Variants in PAPSS1 observed in about 807,000 individuals in gnomAD.
The protein encoded by PAPSS1 is 3'-phosphoadenosine 5'-phosphosulfate synthase 1, also known as bifunctional 3'-phosphoadenosine 5'-phosphosulfate synthase 1.
In PAPSS1, 50 loss-of-function variants were observed where a neutral mutation model predicts 72.0. The ratio of observed to expected loss-of-function variants is 0.69; its 90% CI spans 0.55 to 0.88. PAPSS1 has a LOEUF of 0.88. Ranked by LOEUF, PAPSS1 falls within the 40% of genes least tolerant of loss-of-function variation. PAPSS1 has a pLI of 0.00. For missense variants in PAPSS1, 657 were observed against 782.2 expected (o/e 0.84, Z 1.91); for synonymous variants, 261 against 263.6 (o/e 0.99, Z 0.09).
chr4:107,695,299 T>C (rs775555970), intron 2 of PAPSS1, among the ~76,000 whole-genome samples: 4 of 152,180 alleles, frequency 2.6e-5, no homozygotes, highest in African/African-American at 4.8e-5. Flanking sequence ...TGCTTGTCTA[T>C]TGTTGGTGTA....
intron 3 of PAPSS1, among the ~76,000 whole-genome samples, chr4:107,687,479 C>G (rs1352787200): frequency 6.6e-6 from 1 of 152,186 alleles, no homozygotes; most frequent in Non-Finnish European, 1.5e-5. Flanking sequence ...CAAAGCCCAG[C>G]CTGAATGCTG....
At chr4:107,616,403 G>A (rs1221786377) in intron 11 of PAPSS1, among the ~76,000 whole-genome samples, 1 of 152,108 alleles carries the variant, frequency 6.6e-6, no homozygotes, top group Non-Finnish European at 1.5e-5. Context: ...TAACACACCT[G>A]TAAATGACAG....
intron 10 of PAPSS1, among the ~76,000 whole-genome samples, chr4:107,636,046 C>T (rs907732938): frequency 6.6e-6 from 1 of 152,178 alleles, no homozygotes; most frequent in Non-Finnish European, 1.5e-5. Context: ...TATTATACTA[C>T]TTTGCTCTGC....
chr4:107,704,951 CA>C (rs60816460), intron 1 of PAPSS1, among the ~76,000 whole-genome samples: 8 of 146,894 alleles, frequency 5.4e-5, no homozygotes, highest in African/African-American at 1.5e-4. Flanking sequence ...AACTCCACCT[CA>C]AAAAAAAAAA....
At chr4:107,712,670 C>T (rs895404162) in intron 1 of PAPSS1, among the ~76,000 whole-genome samples, 2 of 151,898 alleles carry the variant, frequency 1.3e-5, no homozygotes, top group African/African-American at 2.4e-5. Context: ...GTCAAGAGAT[C>T]GAGACTATCC....
intron 5 of PAPSS1, among the ~76,000 whole-genome samples, chr4:107,676,289 C>A (rs1267152356): frequency 6.6e-6 from 1 of 152,020 alleles, no homozygotes; most frequent in African/African-American, 2.4e-5. Flanking sequence ...AAAACCCCAT[C>A]GTCTCAGCCC....
At chr4:107,680,996 C>A (rs1423663445) in intron 5 of PAPSS1, among the ~76,000 whole-genome samples, 1 of 152,008 alleles carries the variant, frequency 6.6e-6, no homozygotes, top group Non-Finnish European at 1.5e-5. Context: ...TCCCAAGTTA[C>A]CTACCTGGTA....
intron 5 of PAPSS1, among the ~76,000 whole-genome samples, chr4:107,677,201 C>A (rs370225006): frequency 0.05 from 7,651 of 151,638 alleles, 246 homozygotes; most frequent in Middle Eastern, 0.1. Flanking sequence ...TAATTAAACT[C>A]AAGAGCTTCT....
chr4:107,697,736 T>A (rs75536955), intron 2 of PAPSS1, among the ~76,000 whole-genome samples: 1 of 152,164 alleles, frequency 6.6e-6, no homozygotes, highest in Non-Finnish European at 1.5e-5. Flanking sequence ...ACCTGAAGAA[T>A]AGAAACCAGC....
chr4:107,671,777 T>C (rs1326975239), intron 5 of PAPSS1, among the ~76,000 whole-genome samples: 4 of 152,338 alleles, frequency 2.6e-5, no homozygotes, highest in East Asian at 1.9e-4. Context: ...CTGGATTACA[T>C]ATAATACCTA....
chr4:107,700,850 A>T (rs1723184583), intron 2 of PAPSS1, among the ~76,000 whole-genome samples: 1 of 152,228 alleles, frequency 6.6e-6, no homozygotes, highest in South Asian at 2.1e-4. Flanking sequence ...AAAATAGACT[A>T]AGACGTATGG....
At chr4:107,686,915 A>T in intron 4 of PAPSS1, 124 bp downstream of exon 4, 1 of 890,672 alleles carries the variant, frequency 1.1e-6, no homozygotes, top group Non-Finnish European at 1.7e-6. Context: ...TAATAAGACT[A>T]CATTCTCTCC....
chr4:107,669,969 T>C (rs1052267622), intron 5 of PAPSS1, among the ~76,000 whole-genome samples: 4 of 152,214 alleles, frequency 2.6e-5, no homozygotes, highest in Non-Finnish European at 5.9e-5. Flanking sequence ...AACAAGTTTC[T>C]TCATTTCTCT....
intron 1 of PAPSS1, among the ~76,000 whole-genome samples, chr4:107,702,947 T>C (rs935475960): frequency 6.6e-6 from 1 of 152,234 alleles, no homozygotes; most frequent in Non-Finnish European, 1.5e-5. Flanking sequence ...ATTTCCATAA[T>C]GGCTATACTA....
intron 2 of PAPSS1, among the ~76,000 whole-genome samples, chr4:107,698,138 T>C (rs1457448011): frequency 1.3e-5 from 2 of 152,140 alleles, no homozygotes; most frequent in Non-Finnish European, 2.9e-5. Context: ...CCAACCAATG[T>C]AGAAACACAA....
At position 107,656,897 on chromosome 4, in the gene PAPSS1, A is replaced by G; in HGVS notation, c.894T>C (p.Asp298=). The G allele has an allele frequency of 1.3e-6, 2 of 1,562,510 alleles. No individual in the cohort carries two copies. Among genetic ancestry groups the G allele is most frequent in the Non-Finnish European group, 1.8e-6 (2 of 1,132,966 alleles). Residue 298 remains aspartate, a splice_region_variant and synonymous_variant, in exon 7 of 12, where the codon GAT becomes GAC. Coordinates refer to ENST00000265174, the MANE Select transcript of PAPSS1 (RefSeq NM_005443.5). Reference sequence around the variant, plus strand: ...AATTTTGAATGTAAAATGTCTTACCATCCAGAAGACAATCAAAATGAAGGC... The same window carrying G: ...AATTTTGAATGTAAAATGTCTTACCGTCCAGAAGACAATCAAAATGAAGGC... ...LQCLHFDCLL[D]GGVINLSVPI...
intron 5 of PAPSS1, 42 bp downstream of exon 5, chr4:107,681,971 GAT>G (rs779618484): frequency 1.1e-6 from 1 of 915,808 alleles, no homozygotes; most frequent in Admixed American, 2.2e-5. Flanking sequence ...TTATGAGAGA[GAT>G]ATAATTTTTC....
At chr4:107,688,111 T>C (rs1012698273) in intron 3 of PAPSS1, among the ~76,000 whole-genome samples, 1 of 152,072 alleles carries the variant, frequency 6.6e-6, no homozygotes, top group Non-Finnish European at 1.5e-5. Context: ...CTTCACATAC[T>C]AGGAATTCCC....
intron 5 of PAPSS1, among the ~76,000 whole-genome samples, chr4:107,671,947 CT>C (rs1427903409): frequency 6.6e-6 from 1 of 152,090 alleles, no homozygotes; most frequent in Non-Finnish European, 1.5e-5. Flanking sequence ...AGAGGGCCAA[CT>C]TTCTAACGCT....
Sources: gnomAD v4.1 joint callset for allele counts (sites outside exome capture counted in the v4.1 genomes callset) on GRCh38, gnomAD v4.1.1 for gene constraint, MANE v1.5 for transcripts, NCBI Gene and HGNC (gene_info 2026-07-23, HGNC 2026-07-21) for gene names.